TYW1B: variants seen among roughly 807,000 people sequenced by gnomAD.
TYW1B encodes tRNA-yW synthesizing protein 1 homolog B, also known as S-adenosyl-L-methionine-dependent tRNA 4-demethylwyosine synthase TYW1B.
TYW1B carries 73 observed loss-of-function variants against 86.9 expected under a neutral mutation model. The observed-to-expected ratio is 0.84, with a 90% CI of 0.70 to 1.02. The LOEUF (loss-of-function observed/expected upper bound fraction) is 1.02. Among genes scored for constraint, TYW1B ranks in the 50% least tolerant of loss-of-function variants. The pLI is 0.00. For synonymous variants in TYW1B, 248 were observed against 292.8 expected (o/e 0.85, Z 1.56); for missense variants, 637 against 827.4 (o/e 0.77, Z 2.82).
chr7:72,635,812 A>C (rs1812653172), intron 11 of TYW1B, among the ~76,000 whole-genome samples: 1 of 152,234 alleles, frequency 6.6e-6, no homozygotes, highest in Non-Finnish European at 1.5e-5. Context: ...ATATCCTCAA[A>C]ATTATCAACT....
chr7:72,622,589 ACCC>A (rs1165861713), intron 12 of TYW1B, among the ~76,000 whole-genome samples: 3 of 151,972 alleles, frequency 2.0e-5, no homozygotes, highest in Non-Finnish European at 4.4e-5. Context: ...ACTATGGGAG[ACCC>A]CAGATCTGAC....
chr7:72,760,167 A>T (rs1348068610), intron 7 of TYW1B, among the ~76,000 whole-genome samples: 1 of 152,232 alleles, frequency 6.6e-6, no homozygotes, highest in Non-Finnish European at 1.5e-5. Context: ...GGCTACCTGG[A>T]GATTTTATTT....
intron 7 of TYW1B, among the ~76,000 whole-genome samples, chr7:72,756,065 G>A (rs2129571586): frequency 6.6e-6 from 1 of 152,290 alleles, no homozygotes; most frequent in South Asian, 2.1e-4. Flanking sequence ...TGTAGAAATG[G>A]AGAGTGAAAC....
chr7:72,655,580 T>C lies in TYW1B; in HGVS notation c.1507-26583A>G, dbSNP rs1200307735. 2.0e-5 allele frequency among the ~76,000 whole-genome samples: 3 copies of C among 152,110 alleles called. No individual in the cohort carries two copies. The East Asian group carries it at 5.8e-4, about 29-fold the overall frequency. On this transcript the variant is annotated intron_variant, in intron 11 of 13. Transcript: ENST00000620995. The stretch of plus-strand genomic sequence containing the variant: ...TGATGTGGCCAGGTCCCCAGCACTC[T>C]AGTCCACCCCATGTCCTATACCTTG...
At chr7:72,794,496 C>T (rs1198331305) in intron 6 of TYW1B, among the ~76,000 whole-genome samples, 2 of 151,390 alleles carry the variant, frequency 1.3e-5, no homozygotes, top group African/African-American at 4.9e-5. Flanking sequence ...GCAGAGGTTG[C>T]AGTGAGCTGA....
intron 11 of TYW1B, among the ~76,000 whole-genome samples, chr7:72,673,230 T>C (rs1407561640): frequency 6.6e-6 from 1 of 152,234 alleles, no homozygotes; most frequent in Non-Finnish European, 1.5e-5. Context: ...GAAGTTTATA[T>C]ACTACATATA....
In TYW1B at chr7:72,620,206, T is replaced by G. The variant is rs1391263752; in HGVS notation, c.1618-3367A>C. On this transcript the variant is annotated intron_variant, in intron 12 of 13. Transcript: ENST00000620995. ...GAGGTCAGGAATTCGAGACCAGCCT[T>G]GCCGACATGGTGAAACCCTGTCTCT... Among the ~76,000 whole-genome samples, 3 of 152,056 alleles carry G rather than the reference T, an allele frequency of 2.0e-5. No individual in the cohort carries two copies. The East Asian group carries it at 5.8e-4, about 29-fold the overall frequency.
intron 11 of TYW1B, among the ~76,000 whole-genome samples, chr7:72,691,378 G>A (rs1554450305): frequency 6.6e-6 from 1 of 152,120 alleles, no homozygotes; most frequent in Admixed American, 6.5e-5. Context: ...ATTCCAACAA[G>A]AATTACATAG....
At chr7:72,797,706 G>T (rs1165323739) in intron 6 of TYW1B, among the ~76,000 whole-genome samples, 17 of 152,168 alleles carry the variant, frequency 1.1e-4, no homozygotes, top group Non-Finnish European at 2.9e-5. Context: ...GAAGGAGTGA[G>T]ACCCTGTCTC....
chr7:72,796,541 A>G (rs1390947567), intron 6 of TYW1B, among the ~76,000 whole-genome samples: 1 of 149,010 alleles, frequency 6.7e-6, no homozygotes, highest in Admixed American at 6.7e-5. Context: ...AGGCCAACTA[A>G]TTTTTTTTTT....
At chr7:72,723,582 C>T (rs1352998574) in intron 9 of TYW1B, among the ~76,000 whole-genome samples, 4 of 151,994 alleles carry the variant, frequency 2.6e-5, no homozygotes, top group Admixed American at 2.0e-4. Flanking sequence ...GACTGGGCAA[C>T]GTAGTGAGAC....
intron 11 of TYW1B, among the ~76,000 whole-genome samples, chr7:72,657,658 A>G (rs1204829906): frequency 1.3e-5 from 2 of 152,236 alleles, no homozygotes; most frequent in African/African-American, 2.4e-5. Flanking sequence ...GAACCCTTAT[A>G]GAACAGGAGA....
At position 72,581,476 on chromosome 7, in the gene TYW1B, G is replaced by C. The variant is rs375176001; in HGVS notation, c.1786-5757C>G. On this transcript the variant is annotated intron_variant, in intron 13 of 13. Transcript: ENST00000620995. ...TTATCATTTTTATTTATTTATTTTT[G>C]AGACGGAGTCATGCTCTGTTGCCCA... Among the ~76,000 whole-genome samples, 101 of 152,200 alleles carry C rather than the reference G, an allele frequency of 6.6e-4. 1 individual carries two copies. The East Asian group carries it at 0.017, about 26-fold the overall frequency.
rs1162286692 is a variant in TYW1B at position 72,651,964 on chromosome 7, T to C, written c.1507-22967A>G. On this transcript the variant is annotated intron_variant, in intron 11 of 13. Transcript: ENST00000620995. ...ATAGGGTCTTGCTCTGTGGCTCAGG[T>C]TGGAGTGCAGTGGTGCAATCACAGC... Among the ~76,000 whole-genome samples, 4 of 152,088 alleles carry C rather than the reference T, an allele frequency of 2.6e-5. No homozygotes were observed. In the South Asian group the frequency reaches 8.3e-4, roughly 32 times the overall value.
chr7:72,724,746 G>GA (rs35378769), intron 9 of TYW1B, among the ~76,000 whole-genome samples: 37 of 150,942 alleles, frequency 2.5e-4, no homozygotes, highest in Admixed American at 6.0e-4. Context: ...ATTCAGATAT[G>GA]AAAAAAAAAT....
At chr7:72,814,056 A>T (rs1788674511) in intron 3 of TYW1B, among the ~76,000 whole-genome samples, 1 of 151,744 alleles carries the variant, frequency 6.6e-6, no homozygotes, top group Non-Finnish European at 1.5e-5. Context: ...TTGAGGTCAC[A>T]CAGCTAATAA....
chr7:72,717,754 T>TTA (rs1786819245), intron 9 of TYW1B, among the ~76,000 whole-genome samples: 1 of 151,944 alleles, frequency 6.6e-6, no homozygotes, highest in Non-Finnish European at 1.5e-5. Context: ...ACACTCAGCA[T>TTA]TACTAATAAT....
chr7:72,803,515 A>G (rs782060737), intron 5 of TYW1B, among the ~76,000 whole-genome samples: 1 of 152,220 alleles, frequency 6.6e-6, no homozygotes, highest in Non-Finnish European at 1.5e-5. Flanking sequence ...AGATGAGGAA[A>G]TTAAAGGTAG....
At chr7:72,824,283 A>T (rs1351176116) in intron 2 of TYW1B, among the ~76,000 whole-genome samples, 2 of 152,132 alleles carry the variant, frequency 1.3e-5, no homozygotes, top group Admixed American at 6.6e-5. Flanking sequence ...CCTTCCTTAA[A>T]ATCTTTTCCT....
Sources: allele counts gnomAD v4.1 joint callset (sites outside exome capture counted in the v4.1 genomes callset), GRCh38; gene constraint gnomAD v4.1.1; transcripts MANE v1.5; gene names NCBI Gene and HGNC (gene_info 2026-07-23, HGNC 2026-07-21).